Variants in ABCC8 observed in about 807,000 individuals in gnomAD.
The protein encoded by ABCC8 is ATP-binding cassette sub-family C member 8.
A neutral mutation model predicts 188.0 loss-of-function variants in ABCC8; 137 were observed. The observed-to-expected ratio is 0.73, with a 90% CI of 0.63 to 0.84. The LOEUF is 0.84. ABCC8 is among the 40% of genes least tolerant of loss of function. The pLI, the probability that ABCC8 is intolerant of heterozygous loss-of-function variation, is 0.00. For missense variants in ABCC8, 1,750 were observed against 2,072.7 expected, an observed-to-expected ratio of 0.84 and a Z score of 3.02; for synonymous variants, 797 against 846.5, an observed-to-expected ratio of 0.94 and a Z score of 1.01.
chr11:17,449,887 A>T (rs1956693881), intron 7 of ABCC8, among the ~76,000 whole-genome samples: 1 of 152,192 alleles, frequency 6.6e-6, no homozygotes, highest in Non-Finnish European at 1.5e-5. Flanking sequence ...TATATATACC[A>T]TGGGTAAGGT....
rs1402090677 is a variant in ABCC8, at chr11:17,427,100, A to G, written c.2171T>C (p.Leu724Pro). ...QVGCGKSSLLLAALGEMQKVS... is the reference protein window; with the variant it reads ...QVGCGKSSLLPAALGEMQKVS... ...CTTCTGCATCTCCCCCAGTGCGGCT[A>G]GAAGGAGCGAGGACTTGCCGCAGCC... Residue 724 changes from leucine to proline, a missense_variant, in exon 16 of 39, where the codon CTA becomes CCA. By Grantham distance (98) the Leu-to-Pro change is moderately conservative. Transcript: ENST00000389817. This position sits in a 1 kb window ranked among gnomAD's most constrained non-coding sequence, Gnocchi z 5.0. The G allele has an allele frequency of 6.2e-7, 1 of 1,613,988 alleles. No homozygotes were observed. The highest frequency in any genetic ancestry group is 8.5e-7 in the Non-Finnish European group (1 of 1,179,958).
intron 12 of ABCC8, chr11:17,429,518 C>T (rs984624294): frequency 3.3e-5 from 5 of 152,260 alleles, no homozygotes; most frequent in Admixed American, 2.0e-4. Flanking sequence ...TGGGGTGAAG[C>T]TTCAGGTAGT....
At chr11:17,402,035 C>T (rs570626530) in intron 29 of ABCC8, among the ~76,000 whole-genome samples, 15 of 152,236 alleles carry the variant, frequency 9.9e-5, no homozygotes, top group African/African-American at 2.7e-4. Flanking sequence ...TGCTCAAAGT[C>T]TGGGCTGTAA....
intron 16 of ABCC8, among the ~76,000 whole-genome samples, chr11:17,424,401 C>T (rs1194023807): frequency 1.3e-5 from 2 of 152,162 alleles, no homozygotes; most frequent in Non-Finnish European, 2.9e-5. Flanking sequence ...TGGGCTGGGG[C>T]AGAGGTTTCC....
At chr11:17,394,076 G>T (rs183960857) in intron 37 of ABCC8, among the ~76,000 whole-genome samples, 190 bp downstream of exon 37, 1 of 152,172 alleles carries the variant, frequency 6.6e-6, no homozygotes, top group East Asian at 1.9e-4. Flanking sequence ...TTGTGTGTGC[G>T]TGTGTGTGTG....
intron 3 of ABCC8, among the ~76,000 whole-genome samples, chr11:17,463,854 A>T (rs1847985255): frequency 6.6e-6 from 1 of 152,258 alleles, no homozygotes; most frequent in African/African-American, 2.4e-5. Context: ...AATGTCCCTT[A>T]AAAATAAATG....
rs1046137623 is a variant in ABCC8 at position 17,396,690 on chromosome 11, T to G, written c.4119+226A>C. On this transcript the variant is annotated intron_variant, in intron 33 of 38. Coordinates refer to ENST00000389817, the MANE Select transcript of ABCC8 (RefSeq NM_000352.6). ...GAGTCCAGAGTGTCGGTCTCCTTGG[T>G]GGATGAGTGAGAAGACAAGGCCTGA... is the stretch of plus-strand genomic sequence containing the variant. 5.1e-6 allele frequency: 3 copies of G among 590,060 alleles called. No homozygotes were observed. The Admixed American group carries it at 9.1e-5, about 18-fold the overall frequency. 36.6% of individuals were successfully genotyped at this position (590,060 alleles called of 1,614,324 possible).
intron 29 of ABCC8, among the ~76,000 whole-genome samples, chr11:17,400,890 A>T (rs945906999): frequency 6.6e-6 from 1 of 152,274 alleles, no homozygotes; most frequent in South Asian, 2.1e-4. Context: ...TGGGCAATCA[A>T]TAAGTGCTAA....
chr11:17,411,415 C>A (rs775731231), intron 21 of ABCC8, among the ~76,000 whole-genome samples: 2 of 152,192 alleles, frequency 1.3e-5, no homozygotes, highest in African/African-American at 4.8e-5. Context: ...TGAGAGATCG[C>A]GAATGCACCC....
At position 17,476,746 on chromosome 11, in the gene ABCC8, G is replaced by A. The variant is rs751082043; in HGVS notation, c.31C>T (p.His11Tyr). 4.4e-6 allele frequency: 7 copies of A among 1,595,094 alleles called. No individual in the cohort carries two copies. In the Admixed American group the frequency reaches 5.2e-5, roughly 12 times the overall value. ...TGGTCCACCCGGTAGGCGGCCGAGT[G>A]GTTCTCGCTGCCGCAGAAGGCCAGG... Reference protein sequence around the residue: MPLAFCGSENHSAAYRVDQGV... With the variant: MPLAFCGSENYSAAYRVDQGV... The change falls in exon 1 of 39, where the codon CAC becomes TAC. Residue 11 changes from histidine (H) to tyrosine (Y), a missense_variant. Coordinates refer to ENST00000389817, the MANE Select transcript of ABCC8 (RefSeq NM_000352.6).
chr11:17,395,786 C>T (rs1442975565), intron 34 of ABCC8, 66 bp downstream of exon 34: 11 of 1,553,310 alleles, frequency 7.1e-6, no homozygotes, highest in Admixed American at 5.9e-5. Context: ...TGTCTGACCA[C>T]GTGCCAGGGC....
Position 17,392,917 on chromosome 11 carries a change from G to T in ABCC8, c.*74C>A. The stretch of plus-strand genomic sequence containing the variant: ...TAATCAAATCTATTTATTTACAAGT[G>T]ATTTACAGTTAGAAAACCCAGGCAG... On this transcript the variant is annotated 3_prime_UTR_variant, in exon 39 of 39. Coordinates refer to ENST00000389817, the MANE Select transcript of ABCC8 (RefSeq NM_000352.6). The T allele has an allele frequency of 6.6e-7, 1 of 1,505,116 alleles. No individual in the cohort carries two copies. The highest frequency in any genetic ancestry group is 9.2e-7 in the Non-Finnish European group (1 of 1,084,830). 93.2% of individuals were successfully genotyped at this position (1,505,116 alleles called of 1,614,324 possible). A position where few individuals can be genotyped will look rare whatever the true frequency, so the allele number is the denominator to read the frequency against.
chr11:17,397,421 T>C (rs1953996533), intron 31 of ABCC8, 108 bp from the exon 32 acceptor site: 1 of 1,569,326 alleles, frequency 6.4e-7, no homozygotes, highest in Non-Finnish European at 8.6e-7. Flanking sequence ...CCCAGATTCC[T>C]TTTGCTGCCA....
intron 10 of ABCC8, among the ~76,000 whole-genome samples, chr11:17,439,359 G>A (rs112829304): frequency 0.023 from 3,503 of 152,122 alleles, 94 homozygotes; most frequent in African/African-American, 0.067. Context: ...TGATGGTGCC[G>A]CATATGAGCA....
At chr11:17,446,770 T>C (rs7950189) in intron 8 of ABCC8, among the ~76,000 whole-genome samples, 89,236 of 152,022 alleles carry the variant, frequency 0.59, 27,936 homozygotes, top group African/African-American at 0.8. Context: ...TCCCTGCATC[T>C]CATCTTGTCT....
At chr11:17,395,082 G>A in intron 36 of ABCC8, 90 bp downstream of exon 36, 1 of 1,508,908 alleles carries the variant, frequency 6.6e-7, no homozygotes, top group Non-Finnish European at 9.0e-7. Context: ...TCCAAACTTG[G>A]GGCAAACCTG....
chr11:17,446,922 A>T (rs958469655), intron 8 of ABCC8, among the ~76,000 whole-genome samples: 2 of 152,178 alleles, frequency 1.3e-5, no homozygotes, highest in Non-Finnish European at 2.9e-5. Flanking sequence ...TGGATTCTGG[A>T]TTGGTAACAC....
chr11:17,448,711 CTCA>C, intron 7 of ABCC8, 40 bp from the exon 8 acceptor site: 3 of 1,613,772 alleles, frequency 1.9e-6, no homozygotes, highest in Non-Finnish European at 2.5e-6. Flanking sequence ...CATCATCATT[CTCA>C]TCATCATCAC....
intron 6 of ABCC8, among the ~76,000 whole-genome samples, chr11:17,454,085 T>C (rs1211733618): frequency 6.6e-6 from 1 of 152,168 alleles, no homozygotes; most frequent in Admixed American, 6.5e-5. Context: ...AGATCTCTGC[T>C]CTTTCTCAGA....
Sources: allele counts gnomAD v4.1 joint callset (sites outside exome capture counted in the v4.1 genomes callset), GRCh38; gene constraint gnomAD v4.1.1; non-coding constraint Gnocchi (gnomAD v3.1); transcripts MANE v1.5; gene names NCBI Gene and HGNC (gene_info 2026-07-23, HGNC 2026-07-21).